The following HECW2 variants were observed in gnomAD, a reference collection of about 807,000 sequenced individuals.
HECW2 encodes E3 ubiquitin-protein ligase HECW2.
Under a neutral mutation model 175.2 loss-of-function variants are expected in HECW2, and 61 were observed. The observed-to-expected ratio is 0.35, with a 90% confidence interval of 0.28 to 0.43. The LOEUF is 0.43. Among genes scored for constraint, HECW2 ranks in the 20% least tolerant of loss-of-function variants. The probability of loss-of-function intolerance (pLI) is 1.00; values close to 1 mark genes in which losing one functional copy is unlikely to be tolerated. For missense variants in HECW2, 1,524 were observed against 2,000.5 expected, an observed-to-expected ratio of 0.76 and a Z score of 4.54; for synonymous variants, 671 against 731.0, an observed-to-expected ratio of 0.92 and a Z score of 1.32.
intron 19 of HECW2, among the ~76,000 whole-genome samples, chr2:196,251,538 A>G (rs1479934875): frequency 2.0e-5 from 3 of 152,194 alleles, no homozygotes; most frequent in East Asian, 1.9e-4. Flanking sequence ...TCCAACACCA[A>G]ACTCACTCAA....
chr2:196,393,400 C>G (rs1412408147), intron 2 of HECW2, among the ~76,000 whole-genome samples: 1 of 152,122 alleles, frequency 6.6e-6, no homozygotes, highest in Admixed American at 6.5e-5. Context: ...ACAATCCACC[C>G]ATATGACAAA....
At chr2:196,420,502 A>G (rs1225625825) in intron 2 of HECW2, among the ~76,000 whole-genome samples, 1 of 152,214 alleles carries the variant, frequency 6.6e-6, no homozygotes, top group Non-Finnish European at 1.5e-5. Context: ...TAAGGGGAAG[A>G]CCCACTGGAG....
chr2:196,350,033 C>T (rs1693114319), intron 2 of HECW2, among the ~76,000 whole-genome samples: 1 of 152,182 alleles, frequency 6.6e-6, no homozygotes, highest in Admixed American at 6.5e-5. Flanking sequence ...TGCCCAACTT[C>T]ATGGCTCACA....
chr2:196,305,550 G>T (rs12473229), intron 13 of HECW2, among the ~76,000 whole-genome samples: 107,578 of 152,094 alleles, frequency 0.71, 38,989 homozygotes, highest in East Asian at 0.97. Context: ...TGAAAGTGTA[G>T]GATATGTCTT....
At chr2:196,271,419 G>C in intron 16 of HECW2, 130 bp from the exon 17 acceptor site, 1 of 622,058 alleles carries the variant, frequency 1.6e-6, no homozygotes, top group Non-Finnish European at 2.9e-6. Flanking sequence ...AAGTAGCTGG[G>C]ATTATAGGTG....
At chr2:196,576,240 C>T (rs767753032) in intron 1 of HECW2, among the ~76,000 whole-genome samples, 13 of 152,084 alleles carry the variant, frequency 8.5e-5, no homozygotes, top group Non-Finnish European at 1.6e-4. Flanking sequence ...GTGTAGTAGG[C>T]TATACCATCT....
At chr2:196,477,296 A>G (rs1455918268) in intron 1 of HECW2, among the ~76,000 whole-genome samples, 1 of 152,232 alleles carries the variant, frequency 6.6e-6, no homozygotes, top group African/African-American at 2.4e-5. Flanking sequence ...TCTAATAAAA[A>G]TTTGGTCTAT....
intron 1 of HECW2, among the ~76,000 whole-genome samples, chr2:196,442,802 T>C (rs1696078126): frequency 6.6e-6 from 1 of 152,152 alleles, no homozygotes; most frequent in Non-Finnish European, 1.5e-5. Flanking sequence ...ATACTCAATT[T>C]TTGAATTTTT....
chr2:196,390,302 T>C (rs1694468107), intron 2 of HECW2, among the ~76,000 whole-genome samples: 1 of 152,188 alleles, frequency 6.6e-6, no homozygotes, highest in Non-Finnish European at 1.5e-5. Flanking sequence ...GCTGCTTTAC[T>C]GGTTTAAAGA....
intron 2 of HECW2, chr2:196,361,713 T>TGG: frequency 1.2e-6 from 1 of 825,606 alleles, no homozygotes; most frequent in Non-Finnish European, 1.5e-6. Context: ...TTAAGAGCTT[T>TGG]TCAAAGTGAA....
chr2:196,314,529 T>A (rs1691618432), intron 10 of HECW2, among the ~76,000 whole-genome samples: 1 of 152,228 alleles, frequency 6.6e-6, no homozygotes, highest in Non-Finnish European at 1.5e-5. Flanking sequence ...TTTACTTGCA[T>A]GAAATCTTAA....
At chr2:196,286,413 CA>C (rs1690392399) in intron 14 of HECW2, among the ~76,000 whole-genome samples, 1 of 116,604 alleles carries the variant, frequency 8.6e-6, no homozygotes, top group Non-Finnish European at 2.0e-5. Context: ...TAAATCCATG[CA>C]GGTCATAAAG....
At chr2:196,201,938 C>T (rs1686873049) in intron 28 of HECW2, among the ~76,000 whole-genome samples, 1 of 152,156 alleles carries the variant, frequency 6.6e-6, no homozygotes. Context: ...GCCATTGTTA[C>T]TTCTTTGAAT....
intron 1 of HECW2, among the ~76,000 whole-genome samples, chr2:196,490,763 C>T (rs1384949332): frequency 6.6e-6 from 1 of 152,116 alleles, no homozygotes; most frequent in Admixed American, 6.6e-5. Flanking sequence ...AAATGGAATA[C>T]TATTCAGCCA....
rs1002589190 is a variant in HECW2 at position 196,482,047 on chromosome 2, GA to G, written c.-35-48590del. Among the ~76,000 whole-genome samples, 5 of 152,222 alleles carry G rather than the reference GA, an allele frequency of 3.3e-5. No individual in the cohort carries two copies. The South Asian group carries it at 1.0e-3, about 32-fold the overall frequency. On this transcript the variant is annotated intron_variant, in intron 1 of 28. Transcript: ENST00000644978. ...AAATAAAAATGTGAGTTTCCTTGCT[GA>G]AAAAAATAGGATGAAAGTGCCATTA...
intron 3 of HECW2, among the ~76,000 whole-genome samples, chr2:196,338,760 A>G (rs923285657): frequency 1.3e-5 from 2 of 152,350 alleles, no homozygotes; most frequent in Admixed American, 6.5e-5. Flanking sequence ...TATCTATTTT[A>G]CTTAAAAGGT....
intron 2 of HECW2, among the ~76,000 whole-genome samples, chr2:196,424,814 T>C (rs1036700151): frequency 3.0e-4 from 46 of 152,252 alleles, no homozygotes; most frequent in African/African-American, 9.9e-4. Flanking sequence ...AGTGTTGATG[T>C]AGAAGTTGCA....
At chr2:196,271,776 T>G (rs551655780) in intron 16 of HECW2, among the ~76,000 whole-genome samples, 55 of 152,286 alleles carry the variant, frequency 3.6e-4, no homozygotes, top group Non-Finnish European at 7.2e-4. Flanking sequence ...AATAAATAAA[T>G]GAAATCTGTT....
chr2:196,347,724 T>C (rs1693009892), intron 2 of HECW2, among the ~76,000 whole-genome samples: 1 of 152,224 alleles, frequency 6.6e-6, no homozygotes. Context: ...CCAGTGACCA[T>C]CCTTTGGCCT....
Sources: allele counts gnomAD v4.1 joint callset (sites outside exome capture counted in the v4.1 genomes callset), GRCh38; gene constraint gnomAD v4.1.1; transcripts MANE v1.5; gene names NCBI Gene and HGNC (gene_info 2026-07-23, HGNC 2026-07-21).